CCDC18: variants seen among roughly 807,000 people sequenced by gnomAD.
CCDC18 encodes coiled-coil domain-containing protein 18.
CCDC18 carries 157 observed loss-of-function variants against 196.0 expected under a neutral mutation model. That is an observed-to-expected ratio of 0.80 (90% CI 0.70 to 0.91). CCDC18 has a LOEUF of 0.91. CCDC18 is among the 40% of genes least tolerant of loss of function. CCDC18 has a pLI of 0.00. For missense variants in CCDC18, 1,465 were observed against 1,611.6 expected (o/e 0.91, Z 1.56); for synonymous variants, 482 against 529.2 (o/e 0.91, Z 1.22).
At chr1:93,276,541 A>G (rs1665629856) in intron 28 of CCDC18, among the ~76,000 whole-genome samples, 2 of 152,200 alleles carry the variant, frequency 1.3e-5, no homozygotes, top group African/African-American at 2.4e-5. Flanking sequence ...TACATATATC[A>G]TGCAGTAAGA....
Position 93,220,661 on chromosome 1 carries a change from G to C in CCDC18, c.1963-948G>C, listed in dbSNP as rs570430425. Among the ~76,000 whole-genome samples, 37 of 152,152 alleles carry C rather than the reference G, an allele frequency of 2.4e-4. 1 individual carries two copies. In the East Asian group the frequency reaches 2.9e-3, roughly 12 times the overall value. On this transcript the variant is annotated intron_variant, in intron 14 of 28. Coordinates refer to ENST00000690025, the MANE Select transcript of CCDC18 (RefSeq NM_001378204.1). ...GTTAAGTTCAGGGGTACACGTACAGGAGGTGCAGATTTGTCACATAGGTAA... is the reference window on the plus strand; with the variant it reads ...GTTAAGTTCAGGGGTACACGTACAGCAGGTGCAGATTTGTCACATAGGTAA...
At chr1:93,213,784 G>A (rs1229660091) in intron 11 of CCDC18, among the ~76,000 whole-genome samples, 1 of 152,122 alleles carries the variant, frequency 6.6e-6, no homozygotes, top group Non-Finnish European at 1.5e-5. Flanking sequence ...AATGTTCCAA[G>A]TTGAGAATAC....
intron 28 of CCDC18, among the ~76,000 whole-genome samples, chr1:93,274,773 A>G (rs1536260): frequency 0.95 from 144,015 of 152,274 alleles, 68,162 homozygotes; most frequent in East Asian, 1. Context: ...GCTTGAGCCC[A>G]GTTCGAGGCT....
chr1:93,183,922 A>C, intron 2 of CCDC18, 56 bp from the exon 3 acceptor site: 1 of 1,140,318 alleles, frequency 8.8e-7, no homozygotes, highest in South Asian at 2.3e-5. Flanking sequence ...ATGTATAGCA[A>C]TTTGTAGTGA....
chr1:93,258,633 C>CT, intron 25 of CCDC18, 115 bp from the exon 26 acceptor site: 1 of 723,270 alleles, frequency 1.4e-6, no homozygotes, highest in East Asian at 3.3e-5. Flanking sequence ...AACTTTGTGT[C>CT]TGTGTTTATA....
In CCDC18 at chr1:93,183,251, C is replaced by T. The variant is rs769544631; in HGVS notation, c.-2-109C>T. ...TTTTAAACCACCATGAAAGATTTCA[C>T]AACATTTAAAATAGAAAACTAATGA... On this transcript the variant is annotated intron_variant, in intron 1 of 28. Transcript: ENST00000690025. The T allele has an allele frequency of 6.6e-5, 50 of 760,390 alleles. 1 individual carries two copies. The highest frequency in any genetic ancestry group is 8.7e-5 in the Non-Finnish European group (44 of 507,906). The allele number at this position is 760,390 out of a possible 1,614,324, so 47.1% of individuals were successfully genotyped here.
rs111411970 is a variant in CCDC18, at chr1:93,265,062, A to G, written c.3885+161A>G. 239 of 579,530 alleles carry G rather than the reference A, an allele frequency of 4.1e-4. No individual in the cohort carries two copies. The African/African-American group carries it at 4.1e-3, about 10-fold the overall frequency. 35.9% of individuals were successfully genotyped at this position (579,530 alleles called of 1,614,324 possible). ...AGATGTTGAATTTAGGAAATTATTAAGATGATGTACATCTTATTACCGTAG... is the reference window on the plus strand; with the variant it reads ...AGATGTTGAATTTAGGAAATTATTAGGATGATGTACATCTTATTACCGTAG... On this transcript the variant is annotated intron_variant, in intron 27 of 28. Transcript: ENST00000690025.
intron 27 of CCDC18, among the ~76,000 whole-genome samples, chr1:93,269,132 T>C (rs1214685008): frequency 6.6e-6 from 1 of 151,920 alleles, no homozygotes; most frequent in Non-Finnish European, 1.5e-5. Flanking sequence ...TGTAGGGACA[T>C]GGATAAAGCT....
rs1425252636 is a variant in CCDC18 at position 93,186,343 on chromosome 1, A to G, written c.304-2A>G. The G allele has an allele frequency of 1.2e-6, 2 of 1,608,466 alleles. No homozygotes were observed. The highest frequency in any genetic ancestry group is 1.7e-6 in the Non-Finnish European group (2 of 1,177,458). ...TATATTTGTTCTTTTTCATTCTTTC[A>G]GATGTTTTCATCTTCTGCCCCTGTG... is the stretch of plus-strand genomic sequence containing the variant. On this transcript the variant is annotated splice_acceptor_variant, in intron 3 of 28. Coordinates refer to ENST00000690025, the MANE Select transcript of CCDC18 (RefSeq NM_001378204.1). LOFTEE classifies it high-confidence loss of function.
intron 27 of CCDC18, 174 bp downstream of exon 27, chr1:93,265,075 C>G (rs1570636212): frequency 1.8e-6 from 1 of 547,306 alleles, no homozygotes; most frequent in East Asian, 3.1e-5. Context: ...TGATGTACAT[C>G]TTATTACCGT....
chr1:93,188,125 A>G (rs1651037995), intron 4 of CCDC18, among the ~76,000 whole-genome samples: 1 of 152,216 alleles, frequency 6.6e-6, no homozygotes, highest in African/African-American at 2.4e-5. Flanking sequence ...CTAGTATTGT[A>G]TTTCTCAGCT....
chr1:93,223,896 TTTATACACACACAC>T (rs1485632194), intron 16 of CCDC18, among the ~76,000 whole-genome samples: 10 of 123,930 alleles, frequency 8.1e-5, no homozygotes, highest in African/African-American at 2.4e-4. Flanking sequence ...ATTTCATTTA[TTTATACACACACAC>T]ACACACACAC....
At chr1:93,209,189 C>A (rs2101958816) in intron 9 of CCDC18, among the ~76,000 whole-genome samples, 1 of 152,174 alleles carries the variant, frequency 6.6e-6, no homozygotes, top group South Asian at 2.1e-4. Flanking sequence ...AACTCCCAAC[C>A]TCAGGTGATC....
At chr1:93,191,945 C>CAAGT in intron 4 of CCDC18, 55 bp from the exon 5 acceptor site, 1 of 1,251,080 alleles carries the variant, frequency 8.0e-7, no homozygotes, top group South Asian at 1.2e-5. Flanking sequence ...AACTAAGGAC[C>CAAGT]AAGTAGGTTA....
intron 6 of CCDC18, among the ~76,000 whole-genome samples, chr1:93,195,666 C>T (rs962495152): frequency 6.6e-6 from 1 of 152,018 alleles, no homozygotes; most frequent in African/African-American, 2.4e-5. Flanking sequence ...TCCTTTTTTC[C>T]TTTCTGTCAT....
chr1:93,217,860 G>T lies in CCDC18; in HGVS notation c.1953G>T (p.Gln651His). The T allele has an allele frequency of 6.2e-7, 1 of 1,609,496 alleles. No homozygotes were observed. Among genetic ancestry groups the T allele is most frequent in the Non-Finnish European group, 8.5e-7 (1 of 1,177,506 alleles). Residue 651 changes from glutamine to histidine, a missense_variant, in exon 14 of 29, where the codon CAG (glutamine) becomes CAT (histidine). Physicochemically the swap from Gln to His is conservative, Grantham distance 24. Transcript: ENST00000690025. ...HLEQHKEMEKQIERLEAQLEK... is the reference protein window; with the variant it reads ...HLEQHKEMEKHIERLEAQLEK... ...AACAGCATAAAGAAATGGAAAAGCAGATTGAAAGAGTAAGTAATACATATT... is the reference window on the plus strand; with the variant it reads ...AACAGCATAAAGAAATGGAAAAGCATATTGAAAGAGTAAGTAATACATATT...
chr1:93,226,634 A>G (rs903593249), intron 17 of CCDC18, among the ~76,000 whole-genome samples, 185 bp downstream of exon 17: 24 of 151,768 alleles, frequency 1.6e-4, no homozygotes, highest in Non-Finnish European at 3.4e-4. Context: ...CCTGGGTTCA[A>G]GCAATTCTTG....
rs988960879 is a variant in CCDC18 at position 93,260,339 on chromosome 1, G to A, written c.3684+1454G>A. Reference sequence around the variant, plus strand: ...GCAGAGGTTGCAGTAAGCCAAGATCGCGCCATTGCAGTCAAGTCTGCGTGA... The same window carrying A: ...GCAGAGGTTGCAGTAAGCCAAGATCACGCCATTGCAGTCAAGTCTGCGTGA... On this transcript the variant is annotated intron_variant, in intron 26 of 28. Transcript: ENST00000690025. 6.6e-5 allele frequency among the ~76,000 whole-genome samples: 10 copies of A among 152,086 alleles called. No homozygotes were observed. The East Asian group carries it at 7.7e-4, about 12-fold the overall frequency.
chr1:93,236,888 TA>T (rs1428614470), intron 19 of CCDC18, among the ~76,000 whole-genome samples: 1 of 152,190 alleles, frequency 6.6e-6, no homozygotes, highest in Non-Finnish European at 1.5e-5. Context: ...TTAGATTAAA[TA>T]AAACCTAAAG....
Sources: gnomAD v4.1 joint callset for allele counts (sites outside exome capture counted in the v4.1 genomes callset) on GRCh38, gnomAD v4.1.1 for gene constraint, MANE v1.5 for transcripts, NCBI Gene and HGNC (gene_info 2026-07-23, HGNC 2026-07-21) for gene names.